The following SLCO3A1 variants were observed in gnomAD, a reference collection of about 807,000 sequenced individuals.
The protein encoded by SLCO3A1 is solute carrier organic anion transporter family member 3A1, also known as PGE1 transporter.
SLCO3A1 carries 27 observed loss-of-function variants against 63.1 expected under a neutral mutation model. The ratio of observed to expected loss-of-function variants is 0.43; its 90% CI spans 0.32 to 0.59. SLCO3A1 has a LOEUF of 0.59. SLCO3A1 is among the 20% of genes least tolerant of loss of function. The probability of loss-of-function intolerance (pLI) is 0.09; values close to 1 mark genes in which losing one functional copy is unlikely to be tolerated. For synonymous variants in SLCO3A1, 473 were observed against 409.9 expected, an observed-to-expected ratio of 1.15 and a Z score of -1.86; for missense variants, 773 against 945.8, an observed-to-expected ratio of 0.82 and a Z score of 2.40.
chr15:91,976,246 G>A (rs1426856607), intron 2 of SLCO3A1, among the ~76,000 whole-genome samples: 1 of 152,078 alleles, frequency 6.6e-6, no homozygotes, highest in African/African-American at 2.4e-5. Flanking sequence ...CAAAGAGTTA[G>A]TACCAAAAAA....
chr15:92,148,001 G>C (rs1327582390), intron 8 of SLCO3A1, among the ~76,000 whole-genome samples: 1 of 152,130 alleles, frequency 6.6e-6, no homozygotes, highest in African/African-American at 2.4e-5. Flanking sequence ...AGGATCGCTT[G>C]AGCCCAGGGG....
intron 1 of SLCO3A1, among the ~76,000 whole-genome samples, chr15:91,909,544 C>T (rs1898417626): frequency 6.6e-6 from 1 of 152,190 alleles, no homozygotes; most frequent in Non-Finnish European, 1.5e-5. Flanking sequence ...AGCATCTGCT[C>T]CCTGACATGG....
At chr15:92,080,710 C>T (rs2047333332) in intron 2 of SLCO3A1, among the ~76,000 whole-genome samples, 1 of 152,216 alleles carries the variant, frequency 6.6e-6, no homozygotes, top group Non-Finnish European at 1.5e-5. Flanking sequence ...TGAGTGCTCA[C>T]ACTCGTGGCG....
Position 91,976,540 on chromosome 15 carries a change from T to C in SLCO3A1, c.646+60082T>C, listed in dbSNP as rs1597179215. Among the ~76,000 whole-genome samples the C allele has an allele frequency of 2.0e-5, 3 of 152,312 alleles. 1 individual carries two copies. Among genetic ancestry groups the C allele is most frequent in the East Asian group, 1.9e-4 (1 of 5,174 alleles). On this transcript the variant is annotated intron_variant, in intron 2 of 9. Transcript: ENST00000318445. ...TACGTGCCATTGGGCTTCGAGACTT[T>C]TTCCTCCTTCTCCTTGGAGTAGCCT...
In SLCO3A1 at chr15:92,157,905, C is replaced by A. The variant is rs116693832; in HGVS notation, c.1754-4851C>A. ...ATAAACAGTGAAACTGAGATTCACT[C>A]AAGTTGTGTGAATCACACAGTTCCC... On this transcript the variant is annotated intron_variant, in intron 9 of 9. Coordinates refer to ENST00000318445, the MANE Select transcript of SLCO3A1 (RefSeq NM_013272.4). Among the ~76,000 whole-genome samples the A allele has an allele frequency of 6.9e-3, 1,048 of 152,242 alleles. 18 individuals carry two copies. Among genetic ancestry groups the A allele is most frequent in the African/African-American group, 0.024 (998 of 41,532 alleles).
At chr15:92,038,037 G>T (rs370326290) in intron 2 of SLCO3A1, among the ~76,000 whole-genome samples, 14 of 152,160 alleles carry the variant, frequency 9.2e-5, no homozygotes, top group Non-Finnish European at 1.6e-4. Context: ...TGATTTGAAG[G>T]TGACCAAGAA....
intron 2 of SLCO3A1, among the ~76,000 whole-genome samples, chr15:92,046,371 A>C (rs541727096): frequency 6.6e-6 from 1 of 151,884 alleles, no homozygotes; most frequent in African/African-American, 2.4e-5. Context: ...CAAAAGAAAA[A>C]AAAAAATACC....
intron 2 of SLCO3A1, among the ~76,000 whole-genome samples, chr15:92,011,530 C>T (rs993291005): frequency 6.6e-6 from 1 of 152,096 alleles, no homozygotes; most frequent in Non-Finnish European, 1.5e-5. Flanking sequence ...AAAATTCCAT[C>T]TTATCAGAGA....
At chr15:91,978,664 A>G (rs1901213577) in intron 2 of SLCO3A1, among the ~76,000 whole-genome samples, 2 of 152,212 alleles carry the variant, frequency 1.3e-5, no homozygotes, top group Non-Finnish European at 2.9e-5. Flanking sequence ...GAGTTTATTT[A>G]TTAACCCAGG....
intron 1 of SLCO3A1, among the ~76,000 whole-genome samples, chr15:91,866,125 G>A (rs1367347010): frequency 6.6e-6 from 1 of 152,142 alleles, no homozygotes; most frequent in Middle Eastern, 3.2e-3. Flanking sequence ...TGGATGATTC[G>A]TTAGCTTCAA....
chr15:92,162,934 G>T lies in SLCO3A1; in HGVS notation c.1932G>T (p.Thr644=), dbSNP rs76086457. The T allele has an allele frequency of 5.0e-6, 8 of 1,614,156 alleles. No homozygotes were observed. In the East Asian group the frequency reaches 1.8e-4, roughly 36 times the overall value. Residue 644 remains threonine (T), a synonymous_variant, in exon 10 of 10, where the codon ACG becomes ACT. Transcript: ENST00000318445. The part of the protein sequence containing the change: ...KSFAFILYTT[T]WQCLRKNYKR... ...TCGCCTTCATCCTGTACACCACCAC[G>T]TGGCAGTGCCTGAGGAAAAACTATA... is the stretch of plus-strand genomic sequence containing the variant.
At chr15:92,050,838 G>C (rs971218686) in intron 2 of SLCO3A1, among the ~76,000 whole-genome samples, 1 of 152,130 alleles carries the variant, frequency 6.6e-6, no homozygotes, top group African/African-American at 2.4e-5. Context: ...ATGCTGTTAC[G>C]GCTCGGGATG....
chr15:91,903,678 G>A (rs1246918738), intron 1 of SLCO3A1, among the ~76,000 whole-genome samples: 1 of 152,144 alleles, frequency 6.6e-6, no homozygotes, highest in Non-Finnish European at 1.5e-5. Flanking sequence ...TATGTCCTAC[G>A]CAGCTGTATG....
intron 2 of SLCO3A1, among the ~76,000 whole-genome samples, chr15:92,008,636 A>G (rs1487995440): frequency 1.3e-5 from 2 of 152,222 alleles, no homozygotes; most frequent in African/African-American, 4.8e-5. Context: ...AATCAGGTTT[A>G]AAATTCTGTG....
chr15:91,915,144 A>C (rs1898611307), intron 1 of SLCO3A1, among the ~76,000 whole-genome samples: 1 of 151,314 alleles, frequency 6.6e-6, no homozygotes, highest in Admixed American at 6.6e-5. Context: ...CACACATCTC[A>C]CCTCCAGTCC....
rs748582890 is a variant in SLCO3A1 at position 91,916,298 on chromosome 15, C to A, written c.486C>A (p.Asp162Glu). 5.8e-6 allele frequency: 9 copies of A among 1,564,350 alleles called. No homozygotes were observed. The highest frequency in any genetic ancestry group is 6.9e-6 in the Non-Finnish European group (8 of 1,156,362). ...GCTCGGGCGGCGACGAGGGGCCCGA[C>A]CCCGACCTCATCTGCCGCAACCGGA... The part of the protein sequence containing the change: ...ANGSGGDEGP[D>E]PDLICRNRTA... The change falls in exon 2 of 10, where the codon GAC becomes GAA. Residue 162 changes from aspartate to glutamate, a missense_variant. This residue lies in a region of SLCO3A1 where 565 missense variants were observed against 749.8 expected (regional missense o/e 0.75). Coordinates refer to ENST00000318445, the MANE Select transcript of SLCO3A1 (RefSeq NM_013272.4). The surrounding 1 kb of genome is among the most constrained non-coding windows in gnomAD (Gnocchi z 6.2).
At chr15:91,993,583 C>T (rs72755627) in intron 2 of SLCO3A1, among the ~76,000 whole-genome samples, 5,580 of 152,214 alleles carry the variant, frequency 0.037, 155 homozygotes, top group Non-Finnish European at 0.05. Context: ...CATGATATTC[C>T]AGACACTTAG....
chr15:91,959,723 C>CAA (rs34759500), intron 2 of SLCO3A1, among the ~76,000 whole-genome samples: 1,627 of 71,906 alleles, frequency 0.023, 68 homozygotes, highest in African/African-American at 0.082. Flanking sequence ...GACTCCATCT[C>CAA]AAAAAAAAAA....
chr15:91,871,761 T>TTGG (rs1434910617), intron 1 of SLCO3A1, among the ~76,000 whole-genome samples: 1 of 114,760 alleles, frequency 8.7e-6, no homozygotes, highest in African/African-American at 3.4e-5. Context: ...TTTGTTTTTT[T>TTGG]TTGGTTTTTT....
Sources: gnomAD v4.1 joint callset for allele counts (sites outside exome capture counted in the v4.1 genomes callset) on GRCh38, gnomAD v4.1.1 for gene constraint, gnomAD v4.1.1 regional missense constraint, Gnocchi (gnomAD v3.1) non-coding constraint, MANE v1.5 for transcripts, NCBI Gene and HGNC (gene_info 2026-07-23, HGNC 2026-07-21) for gene names.